Variants in GPM6A observed in about 807,000 individuals in gnomAD.
The protein encoded by GPM6A is neuronal membrane glycoprotein M6-a.
Under a neutral mutation model 32.1 loss-of-function variants are expected in GPM6A, and 7 were observed. That is an observed-to-expected ratio of 0.22 (90% CI 0.12 to 0.41). The LOEUF is 0.41. Among genes scored for constraint, GPM6A ranks in the 10% least tolerant of loss-of-function variants. GPM6A has a pLI of 1.00. For synonymous variants in GPM6A, 130 were observed against 123.4 expected (o/e 1.05, Z -0.35); for missense variants, 235 against 347.2 (o/e 0.68, Z 2.57).
chr4:175,682,307 C>T (rs1743733194), intron 2 of GPM6A, among the ~76,000 whole-genome samples: 1 of 152,036 alleles, frequency 6.6e-6, no homozygotes, highest in African/African-American at 2.4e-5. Flanking sequence ...AAATAAATAA[C>T]TTTAAATTTG....
intron 2 of GPM6A, among the ~76,000 whole-genome samples, chr4:175,687,439 A>G (rs1003453897): frequency 2.0e-5 from 3 of 151,602 alleles, no homozygotes; most frequent in African/African-American, 4.9e-5. Flanking sequence ...TCCTTCTGTG[A>G]CTGGCTTATT....
At chr4:175,971,433 C>T (rs962036666) in intron 1 of GPM6A, among the ~76,000 whole-genome samples, 20 of 152,128 alleles carry the variant, frequency 1.3e-4, no homozygotes, top group African/African-American at 4.3e-4. Flanking sequence ...ATTGCGTGCA[C>T]GTAATTTTCT....
chr4:175,673,933 T>A (rs1413536174), intron 2 of GPM6A, 97 bp from the exon 3 acceptor site: 1 of 734,770 alleles, frequency 1.4e-6, no homozygotes, highest in African/African-American at 1.7e-5. Flanking sequence ...GGAATGAAAG[T>A]TATAGAATAT....
intron 1 of GPM6A, among the ~76,000 whole-genome samples, chr4:175,945,663 T>C (rs898746343): frequency 2.1e-5 from 3 of 145,690 alleles, no homozygotes; most frequent in Admixed American, 1.4e-4. Flanking sequence ...TAATATAAGT[T>C]ATAATATATG....
intron 1 of GPM6A, among the ~76,000 whole-genome samples, chr4:175,715,989 T>TGGG (rs1745823409): frequency 6.6e-6 from 1 of 152,210 alleles, no homozygotes; most frequent in South Asian, 2.1e-4. Flanking sequence ...AGCTTGAACC[T>TGGG]GGGAGGAGGA....
At chr4:175,688,941 C>T (rs558829734) in intron 2 of GPM6A, among the ~76,000 whole-genome samples, 1 of 152,264 alleles carries the variant, frequency 6.6e-6, no homozygotes, top group South Asian at 2.1e-4. Flanking sequence ...CAGCCTCAAA[C>T]CTCTGGGCTC....
chr4:175,884,642 G>T (rs139489896), intron 1 of GPM6A, among the ~76,000 whole-genome samples: 1 of 151,726 alleles, frequency 6.6e-6, no homozygotes, highest in African/African-American at 2.4e-5. Flanking sequence ...AGCAATTCTC[G>T]TGCCTCAGCC....
intron 1 of GPM6A, chr4:175,907,028 A>C (rs1248874910): frequency 6.6e-6 from 1 of 152,098 alleles, no homozygotes; most frequent in South Asian, 2.1e-4. Flanking sequence ...CTTAAAACTC[A>C]TAAGTACAAC....
At chr4:175,747,696 G>A (rs1371477460) in intron 1 of GPM6A, among the ~76,000 whole-genome samples, 1 of 152,172 alleles carries the variant, frequency 6.6e-6, no homozygotes, top group Non-Finnish European at 1.5e-5. Flanking sequence ...TGGTGGAGGG[G>A]CTTGCTTAGA....
chr4:175,975,311 A>G (rs1424382874), intron 1 of GPM6A, among the ~76,000 whole-genome samples: 1 of 150,694 alleles, frequency 6.6e-6, no homozygotes, highest in Non-Finnish European at 1.5e-5. Flanking sequence ...GTGTTTGTCT[A>G]CAATCCAAAC....
intron 1 of GPM6A, among the ~76,000 whole-genome samples, chr4:175,855,959 TTTAATACCACTCACCAA>T (rs1736402286): frequency 6.6e-6 from 1 of 152,244 alleles, no homozygotes; most frequent in African/African-American, 2.4e-5. Flanking sequence ...GCTCTTGCTT[TTTAATACCACTCACCAA>T]CAGAAGGAAA....
At chr4:175,821,700 G>C (rs1357825602) in intron 1 of GPM6A, among the ~76,000 whole-genome samples, 1 of 151,014 alleles carries the variant, frequency 6.6e-6, no homozygotes, top group African/African-American at 2.4e-5. Context: ...TAAGTATTTT[G>C]ATTTCTTTTA....
chr4:175,831,715 C>CTTTTTTTT lies in GPM6A; in HGVS notation c.-22-19474_-22-19467dup, dbSNP rs780096379. 1.7e-3 allele frequency among the ~76,000 whole-genome samples: 122 copies of CTTTTTTTT among 69,908 alleles called. 2 individuals carry two copies. The highest frequency in any genetic ancestry group is 2.0e-3 in the Non-Finnish European group (79 of 39,614). The allele number at this position is 69,908 out of a possible 152,430, so 45.9% of individuals were successfully genotyped here. On this transcript the variant is annotated intron_variant, in intron 1 of 7. Transcript: ENST00000280187. ...CTTGTTAAGGCCCATTTAGCCATCT[C>CTTTTTTTT]TTTTTTTTTTTTTTTTTTTTTTTGA...
At chr4:175,754,459 T>C (rs183455193) in intron 1 of GPM6A, among the ~76,000 whole-genome samples, 1 of 152,308 alleles carries the variant, frequency 6.6e-6, no homozygotes, top group African/African-American at 2.4e-5. Context: ...TAACTCTCTA[T>C]ATACAAATGG....
Position 175,677,457 on chromosome 4 carries a change from AG to A in GPM6A, c.231-3622del, listed in dbSNP as rs2110996197. On this transcript the variant is annotated intron_variant, in intron 2 of 6. Coordinates refer to ENST00000393658, the MANE Select transcript of GPM6A (RefSeq NM_201591.3). ...CTAAAGTAGGGAATGATTTTCTTGT[AG>A]AGGATTTGTTTGGTAGACAAAAGTA... Among the ~76,000 whole-genome samples, 2 of 152,322 alleles carry A rather than the reference AG, an allele frequency of 1.3e-5. 1 individual carries two copies. Among genetic ancestry groups the A allele is most frequent in the South Asian group, 4.1e-4 (2 of 4,826 alleles).
chr4:175,684,782 C>T (rs561947666), intron 2 of GPM6A, among the ~76,000 whole-genome samples: 20 of 152,152 alleles, frequency 1.3e-4, no homozygotes, highest in East Asian at 7.7e-4. Context: ...AGGGGCTTTA[C>T]GTATGTCTTA....
rs542025935 is a variant in GPM6A at position 175,764,011 on chromosome 4, TGAGG to T, written c.37+48176_37+48179del. On this transcript the variant is annotated intron_variant, in intron 1 of 6. Coordinates refer to ENST00000393658, the MANE Select transcript of GPM6A (RefSeq NM_201591.3). ...AAATATTTTTTGGTCCCTTTTGTAC[TGAGG>T]TAAAATACACAGACACAAAGTTCAC... 1.6e-4 allele frequency among the ~76,000 whole-genome samples: 24 copies of T among 152,346 alleles called. No individual in the cohort carries two copies. The East Asian group carries it at 4.6e-3, about 29-fold the overall frequency.
intron 1 of GPM6A, among the ~76,000 whole-genome samples, chr4:175,826,649 A>G (rs1327829565): frequency 6.6e-6 from 1 of 152,146 alleles, no homozygotes; most frequent in Non-Finnish European, 1.5e-5. Flanking sequence ...GAGACATGCA[A>G]TTTGTGCAGT....
rs546162439 is a variant in GPM6A, at chr4:175,644,040, G to C, written c.542-3211C>G. On this transcript the variant is annotated intron_variant, in intron 4 of 6. Coordinates refer to ENST00000393658, the MANE Select transcript of GPM6A (RefSeq NM_201591.3). ...AACCCCAAGTCAAAAGATCCAACAG[G>C]GTACTTGATCTCTCAAGTCTCCCGC... Among the ~76,000 whole-genome samples, 4 of 151,784 alleles carry C rather than the reference G, an allele frequency of 2.6e-5. No homozygotes were observed. The South Asian group carries it at 6.3e-4, about 24-fold the overall frequency.
Sources: gnomAD v4.1 joint callset for allele counts (sites outside exome capture counted in the v4.1 genomes callset) on GRCh38, gnomAD v4.1.1 for gene constraint, MANE v1.5 for transcripts, NCBI Gene and HGNC (gene_info 2026-07-23, HGNC 2026-07-21) for gene names.